AGBL1: variants seen among roughly 807,000 people sequenced by gnomAD.
AGBL1 encodes cytosolic carboxypeptidase 4.
Under a neutral mutation model 118.9 loss-of-function variants are expected in AGBL1, and 130 were observed. The observed-to-expected ratio is 1.09, with a 90% CI of 0.95 to 1.26. The LOEUF is 1.26. Ranked by LOEUF, AGBL1 falls within the 50% of genes most tolerant of loss-of-function variation. The pLI is 0.00. For synonymous variants in AGBL1, 555 were observed against 478.9 expected (o/e 1.16, Z -2.08); for missense variants, 1,584 against 1,298.1 (o/e 1.22, Z -3.38).
At chr15:86,116,867 T>C (rs1897792833) in intron 1 of AGBL1, 1 of 152,184 alleles carries the variant, frequency 6.6e-6, no homozygotes, top group Non-Finnish European at 1.5e-5. Flanking sequence ...CTCTCACTGG[T>C]TCTGATTCTC....
intron 5 of AGBL1, among the ~76,000 whole-genome samples, chr15:86,178,668 A>C (rs2077514153): frequency 6.6e-6 from 1 of 152,244 alleles, no homozygotes; most frequent in South Asian, 2.1e-4. Context: ...AAAATAAATA[A>C]TAAAAATTCT....
At chr15:86,207,394 A>T (rs1567126234) in intron 5 of AGBL1, among the ~76,000 whole-genome samples, 2 of 152,278 alleles carry the variant, frequency 1.3e-5, no homozygotes, top group South Asian at 2.1e-4. Flanking sequence ...TCTATAAATT[A>T]CCTTGGGCAG....
chr15:86,113,212 T>TTTTTGTTTTC (rs1360991155), intron 1 of AGBL1, among the ~76,000 whole-genome samples: 25 of 122,132 alleles, frequency 2.0e-4, no homozygotes, highest in Non-Finnish European at 4.3e-4. Context: ...TTTCTTTTTC[T>TTTTTGTTTTC]TTTTCTTTTC....
intron 6 of AGBL1, among the ~76,000 whole-genome samples, chr15:86,234,516 A>G (rs572063251): frequency 7.0e-6 from 1 of 143,744 alleles, no homozygotes; most frequent in East Asian, 2.1e-4. Flanking sequence ...ACACCACTGC[A>G]CTCCAGCCTG....
chr15:86,363,634 C>T (rs2080838576), intron 17 of AGBL1, among the ~76,000 whole-genome samples: 1 of 152,126 alleles, frequency 6.6e-6, no homozygotes, highest in Non-Finnish European at 1.5e-5. Flanking sequence ...TCTTCTTTCT[C>T]TGTATCTCAG....
intron 22 of AGBL1, among the ~76,000 whole-genome samples, chr15:86,778,569 C>A (rs1239981113): frequency 6.6e-6 from 1 of 152,178 alleles, no homozygotes; most frequent in East Asian, 1.9e-4. Flanking sequence ...ATATTTCTCC[C>A]ATTTGCTTTT....
At chr15:86,292,541 A>C (rs1286427282) in intron 16 of AGBL1, among the ~76,000 whole-genome samples, 1 of 152,226 alleles carries the variant, frequency 6.6e-6, no homozygotes, top group East Asian at 1.9e-4. Context: ...TTCCAGCAGT[A>C]GTAGGAAACT....
chr15:86,684,198 A>G (rs1373832681), intron 22 of AGBL1, among the ~76,000 whole-genome samples: 5 of 152,150 alleles, frequency 3.3e-5, no homozygotes, highest in African/African-American at 4.8e-5. Flanking sequence ...GAATGTTTAC[A>G]TTTTTTGGTT....
At chr15:86,919,923 A>G (rs1276113475), downstream of AGBL1, among the ~76,000 whole-genome samples, 3 of 152,190 alleles carry the variant, frequency 2.0e-5, 1 homozygote, top group Admixed American at 2.0e-4. Flanking sequence ...CCACTCTGCC[A>G]TGGGCCTCAG....
chr15:86,514,977 T>C (rs189369413), intron 18 of AGBL1, among the ~76,000 whole-genome samples: 53 of 152,308 alleles, frequency 3.5e-4, no homozygotes, highest in South Asian at 2.9e-3. Context: ...TTTTTTTACA[T>C]AGTTGCATAA....
intron 17 of AGBL1, among the ~76,000 whole-genome samples, chr15:86,306,299 C>G (rs1189872006): frequency 6.6e-6 from 1 of 152,100 alleles, no homozygotes; most frequent in Non-Finnish European, 1.5e-5. Context: ...CTCCACCTCC[C>G]CCTGTGACCC....
At chr15:86,979,502 G>A (rs1018169788) in intron 23 of AGBL1, among the ~76,000 whole-genome samples, 1 of 150,226 alleles carries the variant, frequency 6.7e-6, no homozygotes, top group Non-Finnish European at 1.5e-5. Context: ...TTTTTTGGCG[G>A]GGGGGAGATG....
intron 16 of AGBL1, among the ~76,000 whole-genome samples, chr15:86,287,997 A>T (rs918982579): frequency 2.0e-5 from 3 of 152,190 alleles, no homozygotes; most frequent in Non-Finnish European, 4.4e-5. Flanking sequence ...ACATTTTCTA[A>T]GCACTTTGGC....
chr15:86,926,091 C>G (rs2080536151), intron 23 of AGBL1, among the ~76,000 whole-genome samples: 1 of 152,082 alleles, frequency 6.6e-6, no homozygotes, highest in African/African-American at 2.4e-5. Flanking sequence ...TGCTTCATCT[C>G]CTCTCCTTTC....
chr15:86,120,187 C>T (rs1423830295), intron 1 of AGBL1, among the ~76,000 whole-genome samples: 2 of 152,186 alleles, frequency 1.3e-5, no homozygotes, highest in Admixed American at 1.3e-4. Flanking sequence ...CCTGCATGTA[C>T]TTGGGGCTGT....
chr15:86,567,112 T>C (rs148608103), intron 21 of AGBL1, among the ~76,000 whole-genome samples: 10 of 152,354 alleles, frequency 6.6e-5, no homozygotes, highest in Admixed American at 5.2e-4. Flanking sequence ...TTTCTTTTTC[T>C]ATTTTAGATA....
chr15:86,883,647 A>C (rs1220256536), intron 22 of AGBL1, among the ~76,000 whole-genome samples: 1 of 152,086 alleles, frequency 6.6e-6, no homozygotes, highest in Non-Finnish European at 1.5e-5. Flanking sequence ...CTCCACTCCT[A>C]GGCTCTTTTC....
At position 86,863,034 on chromosome 15, in the gene AGBL1, G is replaced by C. The variant is rs369680415; in HGVS notation, c.3159-44053G>C. ...CTGAGGGTAGAATTAGCAGTCCAGG[G>C]AAGCACGTGCTACCATGCTGCAGGA... On this transcript the variant is annotated intron_variant, in intron 22 of 22. Transcript: ENST00000614907. Among the ~76,000 whole-genome samples, 6 of 152,140 alleles carry C rather than the reference G, an allele frequency of 3.9e-5. No homozygotes were observed. The East Asian group carries it at 7.7e-4, about 20-fold the overall frequency.
At chr15:86,433,888 G>A (rs756489427) in intron 18 of AGBL1, among the ~76,000 whole-genome samples, 2 of 152,178 alleles carry the variant, frequency 1.3e-5, no homozygotes, top group Non-Finnish European at 2.9e-5. Context: ...ATGTGTCCCT[G>A]TGGCCTTTTC....
Sources: allele counts gnomAD v4.1 joint callset (sites outside exome capture counted in the v4.1 genomes callset), GRCh38; gene constraint gnomAD v4.1.1; transcripts MANE v1.5; gene names NCBI Gene and HGNC (gene_info 2026-07-23, HGNC 2026-07-21).